BTNL8: variants seen among roughly 807,000 people sequenced by gnomAD.
BTNL8 encodes butyrophilin like 8, also known as butyrophilin-like protein 8.
BTNL8 carries 22 observed loss-of-function variants against 36.1 expected under a neutral mutation model. The ratio of observed to expected loss-of-function variants is 0.61; its 90% CI spans 0.44 to 0.87. The LOEUF is 0.87. Among genes scored for constraint, BTNL8 ranks in the 40% least tolerant of loss-of-function variants. BTNL8 has a pLI of 0.00. For synonymous variants in BTNL8, 203 were observed against 235.6 expected (o/e 0.86, Z 1.27); for missense variants, 526 against 616.9 (o/e 0.85, Z 1.56).
In BTNL8 at chr5:180,950,160, C is replaced by T. The variant is rs370827491; in HGVS notation, c.1119C>T (p.Pro373=). 50 of 1,462,572 alleles carry T rather than the reference C, an allele frequency of 3.4e-5. 14 individuals are homozygous for T. The highest frequency in any genetic ancestry group is 9.7e-5 in the African/African-American group (7 of 72,262). 90.6% of individuals were successfully genotyped at this position (1,462,572 alleles called of 1,614,324 possible). Reference sequence around the variant, plus strand: ...GGAAGGAGTACGTGACTTTGTCTCCCGATCATGGGTACTGGGTCCTCAGAC... The same window carrying T: ...GGAAGGAGTACGTGACTTTGTCTCCTGATCATGGGTACTGGGTCCTCAGAC... ...DRRKEYVTLS[P]DHGYWVLRLN... The change falls in exon 8 of 8, where the codon CCC becomes CCT. Residue 373 remains proline (P), a synonymous_variant. Transcript: ENST00000340184.
intron 3 of BTNL8, among the ~76,000 whole-genome samples, chr5:180,932,794 A>T (rs1193969251): frequency 6.6e-6 from 1 of 152,216 alleles, no homozygotes; most frequent in Non-Finnish European, 1.5e-5. Context: ...TACAAAACCA[A>T]CATAAAACAA....
At chr5:180,917,440 C>T (rs7726013) in intron 3 of BTNL8, among the ~76,000 whole-genome samples, 10,251 of 57,182 alleles carry the variant, frequency 0.18, 487 homozygotes, top group African/African-American at 0.31. Context: ...GGTTAGACTA[C>T]GGCACTATGA....
intron 1 of BTNL8, among the ~76,000 whole-genome samples, chr5:180,906,170 G>A (rs1197756356): frequency 6.8e-6 from 1 of 147,272 alleles, no homozygotes; most frequent in African/African-American, 2.6e-5. Flanking sequence ...TCTCTTTGTA[G>A]GTCACTCAGG....
chr5:180,913,637 A>C (rs1417651242), intron 3 of BTNL8, among the ~76,000 whole-genome samples: 1 of 152,224 alleles, frequency 6.6e-6, no homozygotes, highest in Non-Finnish European at 1.5e-5. Context: ...GTTGCAGCTC[A>C]GAGTGTTAGA....
intron 3 of BTNL8, among the ~76,000 whole-genome samples, chr5:180,926,861 G>C (rs1362328211): frequency 3.3e-5 from 5 of 152,234 alleles, no homozygotes; most frequent in Admixed American, 6.5e-5. Context: ...CCCTGGGACA[G>C]AGCACCTGGG....
chr5:180,943,199 A>G (rs975332054), intron 3 of BTNL8, among the ~76,000 whole-genome samples: 4 of 148,976 alleles, frequency 2.7e-5, no homozygotes, highest in African/African-American at 7.5e-5. Flanking sequence ...CAATGGCGCA[A>G]TCTTGGCTCA....
At chr5:180,932,275 C>T (rs927161654) in intron 3 of BTNL8, among the ~76,000 whole-genome samples, 7 of 152,138 alleles carry the variant, frequency 4.6e-5, no homozygotes, top group Non-Finnish European at 7.4e-5. Flanking sequence ...TTGATGGGTG[C>T]GGCAAACCAG....
Position 180,949,224 on chromosome 5 carries a change from T to C in BTNL8, c.836-15T>C. The C allele has an allele frequency of 6.9e-7, 1 of 1,456,872 alleles. No individual in the cohort carries two copies. The highest frequency in any genetic ancestry group is 1.4e-5 in the African/African-American group (1 of 69,664). 90.2% of individuals were successfully genotyped at this position (1,456,872 alleles called of 1,614,324 possible). A position where few individuals can be genotyped will look rare whatever the true frequency, so the allele number is the denominator to read the frequency against. The stretch of plus-strand genomic sequence containing the variant: ...CGTGAGCACTGAACTGCCTGCTCTG[T>C]CTGCTTGCTTTCAGAATTGAGAGAC... On this transcript the variant is annotated splice_polypyrimidine_tract_variant and intron_variant, in intron 6 of 7. Coordinates refer to ENST00000340184, the MANE Select transcript of BTNL8 (RefSeq NM_001040462.3).
At chr5:180,900,925 C>T (rs1756796568) in intron 1 of BTNL8, among the ~76,000 whole-genome samples, 1 of 152,244 alleles carries the variant, frequency 6.6e-6, no homozygotes, top group South Asian at 2.1e-4. Context: ...ACCTTCTGAG[C>T]TGCCTTGTGC....
At chr5:180,923,419 A>T (rs1223513000) in intron 3 of BTNL8, among the ~76,000 whole-genome samples, 1 of 152,212 alleles carries the variant, frequency 6.6e-6, no homozygotes, top group Non-Finnish European at 1.5e-5. Flanking sequence ...TTAATAAAAC[A>T]TATATAAGTT....
chr5:180,921,660 T>TACAC (rs201708722), intron 3 of BTNL8, among the ~76,000 whole-genome samples: 1,651 of 146,288 alleles, frequency 0.011, 33 homozygotes, highest in African/African-American at 0.033. Flanking sequence ...CTGCTCATAC[T>TACAC]ACACACACAC....
intron 3 of BTNL8, among the ~76,000 whole-genome samples, chr5:180,918,361 G>A (rs1160258895): frequency 2.0e-5 from 3 of 151,990 alleles, no homozygotes; most frequent in Non-Finnish European, 4.4e-5. Context: ...TTCAACACAC[G>A]CAAATAAATA....
intron 3 of BTNL8, among the ~76,000 whole-genome samples, chr5:180,941,755 A>G (rs1342968580): frequency 6.6e-6 from 1 of 152,048 alleles, no homozygotes; most frequent in African/African-American, 2.4e-5. Flanking sequence ...ATCCTGCATG[A>G]TATAAACTCT....
chr5:180,926,168 C>T lies in BTNL8; in HGVS notation c.673+14554C>T, dbSNP rs147974669. On this transcript the variant is annotated intron_variant, in intron 3 of 7. Coordinates refer to ENST00000340184, the MANE Select transcript of BTNL8 (RefSeq NM_001040462.3). Reference sequence around the variant, plus strand: ...CTGGTTAGACAGTGGGTGCAGCCCACGGAAAGGGAGCTGAAGTAGGGTGGG... The same window carrying T: ...CTGGTTAGACAGTGGGTGCAGCCCATGGAAAGGGAGCTGAAGTAGGGTGGG... Among the ~76,000 whole-genome samples, 512 of 152,154 alleles carry T rather than the reference C, an allele frequency of 3.4e-3. 2 individuals carry two copies. Among genetic ancestry groups the T allele is most frequent in the African/African-American group, 9.1e-3 (379 of 41,522 alleles).
chr5:180,902,536 C>T (rs7712185), intron 1 of BTNL8: 247,368 of 825,224 alleles, frequency 0.3, 42,343 homozygotes, highest in African/African-American at 0.61. Flanking sequence ...TTTGTTTTTG[C>T]TTTTATACTT....
chr5:180,933,847 G>A (rs1225732939), intron 3 of BTNL8, among the ~76,000 whole-genome samples: 1 of 152,124 alleles, frequency 6.6e-6, no homozygotes, highest in Non-Finnish European at 1.5e-5. Context: ...CATCACTGAT[G>A]AATTCTACCA....
chr5:180,943,187 T>G (rs1759071550), intron 3 of BTNL8, among the ~76,000 whole-genome samples: 1 of 143,090 alleles, frequency 7.0e-6, no homozygotes, highest in African/African-American at 2.7e-5. Context: ...CAGACTGCAG[T>G]GCAATGGCGC....
chr5:180,910,181 A>C (rs565046517), intron 2 of BTNL8, among the ~76,000 whole-genome samples: 2 of 152,248 alleles, frequency 1.3e-5, no homozygotes, highest in South Asian at 4.2e-4. Context: ...CCTTATAACA[A>C]GGAGGAGAAT....
intron 3 of BTNL8, among the ~76,000 whole-genome samples, chr5:180,924,999 A>T (rs1222369534): frequency 6.6e-6 from 1 of 152,214 alleles, no homozygotes; most frequent in Non-Finnish European, 1.5e-5. Context: ...TGATGAATAC[A>T]ATAACTGAAC....
Sources: allele counts gnomAD v4.1 joint callset (sites outside exome capture counted in the v4.1 genomes callset), GRCh38; gene constraint gnomAD v4.1.1; transcripts MANE v1.5; gene names NCBI Gene and HGNC (gene_info 2026-07-23, HGNC 2026-07-21).